IL1RAPL1: variants seen among roughly 807,000 people sequenced by gnomAD.
IL1RAPL1 encodes the protein interleukin 1 receptor accessory protein like 1, also known as interleukin-1 receptor accessory protein-like 1.
IL1RAPL1 carries 3 observed loss-of-function variants against 48.4 expected under a neutral mutation model. The observed-to-expected ratio is 0.06, with a 90% CI of 0.03 to 0.16. The LOEUF (loss-of-function observed/expected upper bound fraction) is 0.16. Ranked by LOEUF, IL1RAPL1 falls within the 10% of genes least tolerant of loss-of-function variation. IL1RAPL1 has a pLI of 1.00. For synonymous variants in IL1RAPL1, 185 were observed against 187.7 expected (o/e 0.99, Z 0.12); for missense variants, 349 against 530.6 (o/e 0.66, Z 3.36).
At chrX:29,291,185 A>C (rs1023671988) in intron 3 of IL1RAPL1, among the ~76,000 whole-genome samples, 7 of 110,882 alleles carry the variant, frequency 6.3e-5, no homozygotes, top group Non-Finnish European at 1.1e-4. Flanking sequence ...TCTTCATCCA[A>C]AACTCTGTGA....
At chrX:29,371,112 C>G (rs1479520124) in intron 3 of IL1RAPL1, among the ~76,000 whole-genome samples, 3 of 103,240 alleles carry the variant, frequency 2.9e-5, no homozygotes, top group East Asian at 5.9e-4. Flanking sequence ...ACTTATTTCT[C>G]CTATCTAAAT....
chrX:29,803,191 GTATACATATACACACATGTATATA>G (rs1569173812), intron 6 of IL1RAPL1, among the ~76,000 whole-genome samples: 337 of 23,589 alleles, frequency 0.014, 5 homozygotes, highest in Middle Eastern at 0.05. Context: ...ATGTATATAT[GTATACATATACACACATGTATATA>G]TGTATACATA....
intron 6 of IL1RAPL1, among the ~76,000 whole-genome samples, chrX:29,915,914 C>A (rs1316904270): frequency 9.8e-5 from 6 of 61,261 alleles, no homozygotes; most frequent in South Asian, 1.2e-3. Flanking sequence ...CCCACCCCAC[C>A]ACAGTCCCCA....
At chrX:29,639,277 G>C (rs1925085053) in intron 5 of IL1RAPL1, among the ~76,000 whole-genome samples, 1 of 111,219 alleles carries the variant, frequency 9.0e-6, no homozygotes, top group East Asian at 2.8e-4. Context: ...TCAGACTTAG[G>C]ACTAGACATG....
chrX:28,939,802 T>G (rs1924119230), intron 2 of IL1RAPL1, among the ~76,000 whole-genome samples: 1 of 111,716 alleles, frequency 9.0e-6, no homozygotes, highest in Non-Finnish European at 1.9e-5. Context: ...AAAATAACAT[T>G]GAATCTCGTC....
chrX:29,593,884 A>T (rs1184452004), intron 5 of IL1RAPL1, among the ~76,000 whole-genome samples: 2 of 112,073 alleles, frequency 1.8e-5, no homozygotes, highest in Non-Finnish European at 3.8e-5. Flanking sequence ...TAAAACCCAA[A>T]TGTGTCTTTT....
At chrX:29,688,754 C>CTCTCTCTGTG (rs58405949) in intron 6 of IL1RAPL1, among the ~76,000 whole-genome samples, 3 of 103,899 alleles carry the variant, frequency 2.9e-5, no homozygotes, top group African/African-American at 1.1e-4. Context: ...CTCTCTCTCT[C>CTCTCTCTGTG]TGTGTGTGTC....
At position 29,732,111 on chromosome X, in the gene IL1RAPL1, A is replaced by G. The variant is rs183410526; in HGVS notation, c.778+63607A>G. Among the ~76,000 whole-genome samples the G allele has an allele frequency of 3.0e-4, 34 of 112,110 alleles. No homozygotes were observed. In the Middle Eastern group the frequency reaches 0.014, roughly 45 times the overall value. ...ACATCAGATATTTACTATCCTCAAAATGACTGGAAAACTTAGAAGGATAAG... is the reference window on the plus strand; with the variant it reads ...ACATCAGATATTTACTATCCTCAAAGTGACTGGAAAACTTAGAAGGATAAG... On this transcript the variant is annotated intron_variant, in intron 6 of 10. Transcript: ENST00000378993.
chrX:28,957,131 T>C (rs1173337909), intron 2 of IL1RAPL1, among the ~76,000 whole-genome samples: 2 of 110,999 alleles, frequency 1.8e-5, no homozygotes, highest in African/African-American at 6.5e-5. Flanking sequence ...TTTTTTATTG[T>C]ATCTATTTGA....
At chrX:29,725,139 C>G (rs778006858) in intron 6 of IL1RAPL1, among the ~76,000 whole-genome samples, 2 of 111,105 alleles carry the variant, frequency 1.8e-5, no homozygotes, top group South Asian at 7.6e-4. Flanking sequence ...TTTATTTAAT[C>G]TTAAACTGAT....
chrX:29,897,867 T>C (rs1035035961), intron 6 of IL1RAPL1, among the ~76,000 whole-genome samples: 1 of 112,064 alleles, frequency 8.9e-6, no homozygotes, highest in Admixed American at 9.5e-5. Context: ...GACTACAGAT[T>C]GTTGGAGAAA....
At chrX:29,917,094 G>A (rs955881752) in intron 6 of IL1RAPL1, among the ~76,000 whole-genome samples, 1 of 111,990 alleles carries the variant, frequency 8.9e-6, no homozygotes, top group East Asian at 2.8e-4. Flanking sequence ...AATCAGCAAC[G>A]TTATGTACCC....
At chrX:29,058,355 G>A (rs1206918957) in intron 2 of IL1RAPL1, among the ~76,000 whole-genome samples, 1 of 107,895 alleles carries the variant, frequency 9.3e-6, no homozygotes, top group Admixed American at 1.0e-4. Context: ...CCAGCCTAGC[G>A]ACAGAGTGAG....
intron 3 of IL1RAPL1, among the ~76,000 whole-genome samples, chrX:29,353,166 A>G (rs1298222220): frequency 8.9e-6 from 1 of 112,088 alleles, no homozygotes; most frequent in Non-Finnish European, 1.9e-5. Flanking sequence ...GTCTTAGAAG[A>G]AAGAGGGCAA....
intron 2 of IL1RAPL1, among the ~76,000 whole-genome samples, chrX:28,928,238 A>G (rs1923797115): frequency 9.0e-6 from 1 of 110,687 alleles, no homozygotes; most frequent in Non-Finnish European, 1.9e-5. Flanking sequence ...GCATCCCCCA[A>G]ATCTGGCCAC....
chrX:29,847,756 C>T (rs1331073250), intron 6 of IL1RAPL1, among the ~76,000 whole-genome samples: 1 of 111,620 alleles, frequency 9.0e-6, no homozygotes, highest in South Asian at 3.7e-4. Context: ...TGTGCTTTAT[C>T]TTTGATTTGA....
At chrX:28,935,271 G>A (rs1021606930) in intron 2 of IL1RAPL1, among the ~76,000 whole-genome samples, 3 of 110,413 alleles carry the variant, frequency 2.7e-5, no homozygotes, top group Non-Finnish European at 5.7e-5. Flanking sequence ...TTAGTTAATC[G>A]ATCGATTTAC....
intron 9 of IL1RAPL1, among the ~76,000 whole-genome samples, chrX:29,947,752 G>GTTT (rs367605832): frequency 1.8e-5 from 1 of 54,180 alleles, no homozygotes; most frequent in Non-Finnish European, 3.6e-5. Context: ...TTTTTTTGGT[G>GTTT]TTTTTTTTTT....
At chrX:28,790,401 G>A (rs1375734219) in intron 2 of IL1RAPL1, among the ~76,000 whole-genome samples, 1 of 112,714 alleles carries the variant, frequency 8.9e-6, no homozygotes, top group East Asian at 2.8e-4. Flanking sequence ...TCTTAACCAT[G>A]AGGTTAAAAG....
Sources: gnomAD v4.1 joint callset for allele counts (sites outside exome capture counted in the v4.1 genomes callset) on GRCh38, gnomAD v4.1.1 for gene constraint, MANE v1.5 for transcripts, NCBI Gene and HGNC (gene_info 2026-07-23, HGNC 2026-07-21) for gene names.